MBTPS1: variants seen among roughly 807,000 people sequenced by gnomAD.
MBTPS1 encodes the protein membrane bound transcription factor peptidase, site 1, also known as membrane-bound transcription factor site-1 protease.
Under a neutral mutation model 127.8 loss-of-function variants are expected in MBTPS1, and 94 were observed. The observed-to-expected ratio is 0.74, with a 90% CI of 0.62 to 0.87. The LOEUF (loss-of-function observed/expected upper bound fraction) is 0.87, where lower values mean the gene tolerates loss of function less well. MBTPS1 is among the 40% of genes least tolerant of loss of function. The pLI is 0.00. For synonymous variants in MBTPS1, 632 were observed against 509.4 expected (o/e 1.24, Z -3.24); for missense variants, 1,636 against 1,353.2 (o/e 1.21, Z -3.28).
intron 18 of MBTPS1, among the ~76,000 whole-genome samples, chr16:84,063,945 G>A (rs1299547991): frequency 6.6e-6 from 1 of 152,140 alleles, no homozygotes; most frequent in Non-Finnish European, 1.5e-5. Flanking sequence ...TTAAAAGTAT[G>A]TCCACATATT....
At chr16:84,054,716 G>A in intron 22 of MBTPS1, 71 bp from the exon 23 acceptor site, 2 of 1,220,326 alleles carry the variant, frequency 1.6e-6, no homozygotes, top group Non-Finnish European at 2.3e-6. Flanking sequence ...TTCTATGACG[G>A]CTGGATTCAT....
At position 84,063,299 on chromosome 16, in the gene MBTPS1, T is replaced by G; in HGVS notation, c.2572+6A>C. 6.2e-7 allele frequency: 1 copy of G among 1,606,450 alleles called. No homozygotes were observed. The highest frequency in any genetic ancestry group is 8.5e-7 in the Non-Finnish European group (1 of 1,174,184). On this transcript the variant is annotated splice_donor_region_variant and intron_variant, in intron 19 of 22. Coordinates refer to ENST00000343411, the MANE Select transcript of MBTPS1 (RefSeq NM_003791.4). ...AAGTCACAAAGTCCATCTGCGTTTT[T>G]CCTACCCTTCTGTCGGTGACTGTCA... is the stretch of plus-strand genomic sequence containing the variant.
chr16:84,095,588 G>T lies in MBTPS1; in HGVS notation c.625+14C>A, dbSNP rs771318317. On this transcript the variant is annotated intron_variant, in intron 4 of 22. Transcript: ENST00000343411. Reference sequence around the variant, plus strand: ...TATATCCCATAAGCACCTTCCCTGGGTAATAGCACACACCTGTATATCCCA... The same window carrying T: ...TATATCCCATAAGCACCTTCCCTGGTTAATAGCACACACCTGTATATCCCA... 6.2e-7 allele frequency: 1 copy of T among 1,612,650 alleles called. No homozygotes were observed. The highest frequency in any genetic ancestry group is 1.3e-5 in the African/African-American group (1 of 74,876).
chr16:84,067,613 T>G lies in MBTPS1; in HGVS notation c.2228+54A>C, dbSNP rs972622608. On this transcript the variant is annotated intron_variant, in intron 16 of 22. Coordinates refer to ENST00000343411, the MANE Select transcript of MBTPS1 (RefSeq NM_003791.4). ...AATCATCACTTAAGTATTTGCTGGG[T>G]AGAATTTGATTCCCCAAAAGTCTTA... is the stretch of plus-strand genomic sequence containing the variant. 2.8e-5 allele frequency: 38 copies of G among 1,359,256 alleles called. No homozygotes were observed. The South Asian group carries it at 4.8e-4, about 17-fold the overall frequency. 84.2% of individuals were successfully genotyped at this position (1,359,256 alleles called of 1,614,324 possible).
intron 20 of MBTPS1, 28 bp downstream of exon 20, chr16:84,060,654 C>G (rs1231364555): frequency 6.2e-7 from 1 of 1,606,556 alleles, no homozygotes; most frequent in Non-Finnish European, 8.5e-7. Context: ...CCAATTCCCT[C>G]CCCAAGGCAT....
intron 8 of MBTPS1, among the ~76,000 whole-genome samples, chr16:84,087,897 T>A (rs940650269): frequency 5.3e-5 from 8 of 152,166 alleles, no homozygotes; most frequent in Admixed American, 6.5e-5. Context: ...ATCACACACT[T>A]CTCCTGGAAG....
Position 84,069,974 on chromosome 16 carries a change from G to A in MBTPS1, c.1847C>T (p.Thr616Ile), listed in dbSNP as rs754152781. 1.9e-6 allele frequency: 3 copies of A among 1,614,074 alleles called. No individual in the cohort carries two copies. Among genetic ancestry groups the A allele is most frequent in the Admixed American group, 1.7e-5 (1 of 60,022 alleles). ...GAGAACTCTCTTGCTTCGCGGGGGA[G>A]TAGGAATTATCTTCACCTTAATGGG... Reference protein sequence around the residue: ...KLPIKVKIIPTPPRSKRVLWD... With the variant: ...KLPIKVKIIPIPPRSKRVLWD... Residue 616 changes from threonine (T) to isoleucine (I), a missense_variant, in exon 14 of 23, where the codon ACT (threonine) becomes ATT (isoleucine). Physicochemically the swap from Thr to Ile is moderately conservative, Grantham distance 89. Transcript: ENST00000343411.
chr16:84,079,950 T>C lies in MBTPS1; in HGVS notation c.1448+1797A>G, dbSNP rs371367458. On this transcript the variant is annotated intron_variant, in intron 11 of 22. Transcript: ENST00000343411. ...AGCACCCCGAGTGCCCAGGTCTTGA[T>C]TTCTTTAGAAGAGGCCATCAGCAAA... Among the ~76,000 whole-genome samples, 143 of 152,340 alleles carry C rather than the reference T, an allele frequency of 9.4e-4. 4 individuals carry two copies. The South Asian group carries it at 0.027, about 29-fold the overall frequency.
intron 20 of MBTPS1, 142 bp from the exon 21 acceptor site, chr16:84,059,570 A>T: frequency 1.4e-6 from 1 of 707,596 alleles, no homozygotes; most frequent in Non-Finnish European, 2.3e-6. Flanking sequence ...GCTATCCTCC[A>T]TGAGCCGCAG....
intron 10 of MBTPS1, 82 bp from the exon 11 acceptor site, chr16:84,081,990 G>C: frequency 9.7e-7 from 1 of 1,034,650 alleles, no homozygotes; most frequent in South Asian, 3.0e-5. Context: ...CTACAAACGT[G>C]CACACAAGAG....
intron 21 of MBTPS1, among the ~76,000 whole-genome samples, chr16:84,058,911 C>T (rs2085563568): frequency 6.6e-6 from 1 of 152,102 alleles, no homozygotes; most frequent in Non-Finnish European, 1.5e-5. Flanking sequence ...ACCGCGGCCC[C>T]CGGGGATGAC....
At position 84,095,790 on chromosome 16, in the gene MBTPS1, G is replaced by A. The variant is rs773333011; in HGVS notation, c.437C>T (p.Pro146Leu). The change falls in exon 4 of 23, where the codon CCC (proline) becomes CTC (leucine). Residue 146 changes from proline (P) to leucine (L), a missense_variant. Pro to Leu is a moderately conservative substitution (Grantham distance 98). Coordinates refer to ENST00000343411, the MANE Select transcript of MBTPS1 (RefSeq NM_003791.4). ...LKYAESDPTV[P>L]CNETRWSQKW... ...CTGGCTCCACCGGGTTTCATTGCAG[G>A]GTACTGTGGGGTCAGCTACAGGCAA... The A allele has an allele frequency of 6.2e-7, 1 of 1,613,674 alleles. No individual in the cohort carries two copies. The highest frequency in any genetic ancestry group is 2.2e-5 in the East Asian group (1 of 44,870).
intron 15 of MBTPS1, 98 bp from the exon 16 acceptor site, chr16:84,067,921 T>C: frequency 1.7e-6 from 2 of 1,200,152 alleles, no homozygotes; most frequent in Middle Eastern, 2.0e-4. Context: ...CTCAGGTTAC[T>C]GACACCTAAC....
chr16:84,085,198 G>A, intron 9 of MBTPS1, 64 bp from the exon 10 acceptor site: 1 of 1,500,514 alleles, frequency 6.7e-7, no homozygotes, highest in Non-Finnish European at 9.2e-7. Context: ...ATGCAATCAT[G>A]AGTGAATCAA....
intron 20 of MBTPS1, 98 bp downstream of exon 20, chr16:84,060,584 C>T (rs1440816421): frequency 1.4e-6 from 2 of 1,406,200 alleles, no homozygotes; most frequent in Non-Finnish European, 2.0e-6. Context: ...CGCACACAAA[C>T]TGGCCCCACT....
intron 9 of MBTPS1, among the ~76,000 whole-genome samples, chr16:84,085,682 C>A (rs534229515): frequency 6.6e-6 from 1 of 151,144 alleles, no homozygotes; most frequent in Non-Finnish European, 1.5e-5. Flanking sequence ...TTTATAACAA[C>A]CAGAACAATG....
intron 1 of MBTPS1, among the ~76,000 whole-genome samples, chr16:84,111,310 C>T (rs540995328): frequency 4.8e-4 from 73 of 152,266 alleles, no homozygotes; most frequent in African/African-American, 1.6e-3. Flanking sequence ...GAGGCCAAGT[C>T]GGGCAGATCA....
At chr16:84,068,268 C>A in intron 15 of MBTPS1, 71 bp downstream of exon 15, 1 of 1,065,910 alleles carries the variant, frequency 9.4e-7, no homozygotes, top group Non-Finnish European at 1.4e-6. Flanking sequence ...CTGGGATTCA[C>A]TCCTCAGACA....
chr16:84,070,044 A>G lies in MBTPS1; in HGVS notation c.1783-6T>C, dbSNP rs772309976. On this transcript the variant is annotated splice_region_variant and splice_polypyrimidine_tract_variant and intron_variant, in intron 13 of 22. Coordinates refer to ENST00000343411, the MANE Select transcript of MBTPS1 (RefSeq NM_003791.4). ...TGTTCTGCACCATTTTTTGACTAAA[A>G]AAAAAGAAAAGAAACTTGAAACGCC... The G allele has an allele frequency of 1.1e-5, 17 of 1,554,310 alleles. 1 individual carries two copies. Among genetic ancestry groups the G allele is most frequent in the South Asian group, 3.7e-5 (3 of 81,836 alleles).
Sources: allele counts gnomAD v4.1 joint callset (sites outside exome capture counted in the v4.1 genomes callset), GRCh38; gene constraint gnomAD v4.1.1; transcripts MANE v1.5; gene names NCBI Gene and HGNC (gene_info 2026-07-23, HGNC 2026-07-21).